The following BOK variants were observed in gnomAD, a reference collection of about 807,000 sequenced individuals.
The protein encoded by BOK is bcl-2-related ovarian killer protein.
Under a neutral mutation model 18.3 loss-of-function variants are expected in BOK, and 20 were observed. The ratio of observed to expected loss-of-function variants is 1.09; its 90% CI spans 0.77 to 1.59. BOK has a LOEUF of 1.59. Among genes scored for constraint, BOK ranks in the 40% most tolerant of loss-of-function variants. The pLI is 0.00. For synonymous variants in BOK, 173 were observed against 142.4 expected (o/e 1.21, Z -1.53); for missense variants, 348 against 307.9 (o/e 1.13, Z -0.97).
upstream of BOK, among the ~76,000 whole-genome samples, chr2:241,555,035 A>G (rs2066440112): frequency 6.6e-6 from 1 of 151,802 alleles, no homozygotes; most frequent in South Asian, 2.1e-4. Flanking sequence ...AAGTCAAAGC[A>G]CTCTTGGGAA....
chr2:241,556,128 C>T (rs1213688789), upstream of BOK, among the ~76,000 whole-genome samples: 1 of 152,224 alleles, frequency 6.6e-6, no homozygotes, highest in Non-Finnish European at 1.5e-5. Flanking sequence ...AATCCCAAAC[C>T]TGACTGCTCT....
intron 3 of BOK, among the ~76,000 whole-genome samples, chr2:241,565,200 G>A (rs573232093): frequency 6.0e-5 from 9 of 149,266 alleles, no homozygotes; most frequent in South Asian, 2.2e-4. Flanking sequence ...CCCACCCAGC[G>A]CCCCAGGCTT....
intron 3 of BOK, among the ~76,000 whole-genome samples, chr2:241,566,286 CTTTTTTTTCTTTTTTCTTTT>C (rs1012587365): frequency 1.5e-5 from 2 of 129,520 alleles, no homozygotes; most frequent in African/African-American, 3.0e-5. Context: ...CCTATTCTTT[CTTTTTTTTCTTTTTTCTTTT>C]TTTTTTTTGA....
At chr2:241,552,401 T>A (rs1400699223) in intron 1 of BOK, among the ~76,000 whole-genome samples, 1 of 152,068 alleles carries the variant, frequency 6.6e-6, no homozygotes, top group Non-Finnish European at 1.5e-5. Context: ...CCCTCTGGCC[T>A]CTCCACGCCG....
At chr2:241,558,318 C>A (rs558001230), upstream of BOK, among the ~76,000 whole-genome samples, 45 of 152,180 alleles carry the variant, frequency 3.0e-4, no homozygotes, top group African/African-American at 1.0e-3. Context: ...AGGTACTAAC[C>A]ATAAAGAAAA....
Position 241,568,956 on chromosome 2 carries a change from AGGGACCACTGCTGACTCCCTCCG to A in BOK, c.350-1162_350-1140del, listed in dbSNP as rs540617831. Reference sequence around the variant, plus strand: ...CAGTGTCCTCAGGCTAACTCCCTCCAGGGACCACTGCTGACTCCCTCCGGGGACCGCTGCTAACTCCCTGCGGG... The same window carrying A: ...CAGTGTCCTCAGGCTAACTCCCTCCAGGGACCGCTGCTAACTCCCTGCGGG... On this transcript the variant is annotated intron_variant, in intron 3 of 4. Coordinates refer to ENST00000318407, the MANE Select transcript of BOK (RefSeq NM_032515.5). Among the ~76,000 whole-genome samples the A allele has an allele frequency of 4.1e-3, 631 of 152,284 alleles. 10 individuals carry two copies. Among genetic ancestry groups the A allele is most frequent in the African/African-American group, 0.015 (607 of 41,542 alleles).
At chr2:241,552,358 C>T (rs1345805714) in intron 1 of BOK, among the ~76,000 whole-genome samples, 1 of 152,208 alleles carries the variant, frequency 6.6e-6, no homozygotes, top group Non-Finnish European at 1.5e-5. Context: ...CCAGAGGCTT[C>T]CTGCGAGCCG....
At chr2:241,564,980 G>A (rs1292642893) in intron 3 of BOK, among the ~76,000 whole-genome samples, 1 of 152,182 alleles carries the variant, frequency 6.6e-6, no homozygotes, top group Non-Finnish European at 1.5e-5. Flanking sequence ...AGGTGGGGGC[G>A]GTGCCTAGGA....
intron 4 of BOK, among the ~76,000 whole-genome samples, chr2:241,571,697 C>G (rs2066723554): frequency 6.6e-6 from 1 of 152,234 alleles, no homozygotes; most frequent in Non-Finnish European, 1.5e-5. Flanking sequence ...GCCACAGGTC[C>G]AGGCTGCAGG....
chr2:241,566,300 TTC>T (rs2066611736), intron 3 of BOK, among the ~76,000 whole-genome samples: 1 of 84,952 alleles, frequency 1.2e-5, no homozygotes, highest in East Asian at 3.6e-4. Context: ...TTTTTCTTTT[TTC>T]TTTTTTTTTT....
rs560800896 is a variant in BOK at position 241,571,238 on chromosome 2, C to T, written c.513+950C>T. Among the ~76,000 whole-genome samples the T allele has an allele frequency of 3.8e-4, 58 of 152,196 alleles. No individual in the cohort carries two copies. The South Asian group carries it at 0.011, about 30-fold the overall frequency. On this transcript the variant is annotated intron_variant, in intron 4 of 4. Transcript: ENST00000318407. ...CTCCCGAGTGGGAAAAGCAAGGCCC[C>T]GAGGGGTGGGTGTCAGAGCCAAACC...
At chr2:241,557,929 G>A (rs534968205), upstream of BOK, among the ~76,000 whole-genome samples, 1 of 152,250 alleles carries the variant, frequency 6.6e-6, no homozygotes, top group East Asian at 1.9e-4. Context: ...ATGTGCACAT[G>A]GGAAGAATAA....
chr2:241,553,917 C>T (rs777255744), upstream of BOK, among the ~76,000 whole-genome samples: 20 of 152,180 alleles, frequency 1.3e-4, no homozygotes, highest in Non-Finnish European at 2.1e-4. Context: ...CTTCCAAGAC[C>T]GGCAGACCTC....
rs921676964 is a variant in BOK, at chr2:241,573,620, A to C, written c.*1198A>C. ...CGGCGGGCTCCAGGCCAGCACACCT[A>C]ACCCATGGATGTGGAACCTACGGCC... is the stretch of plus-strand genomic sequence containing the variant. On this transcript the variant is annotated 3_prime_UTR_variant, in exon 5 of 5. Coordinates refer to ENST00000318407, the MANE Select transcript of BOK (RefSeq NM_032515.5). 1 of 152,300 alleles carries C rather than the reference A, an allele frequency of 6.6e-6. No individual in the cohort carries two copies. The highest frequency in any genetic ancestry group is 1.5e-5 in the Non-Finnish European group (1 of 68,104). 9.4% of individuals were successfully genotyped at this position (152,300 alleles called of 1,614,324 possible).
At position 241,570,131 on chromosome 2, in the gene BOK, C is replaced by A. The variant is rs759186943; in HGVS notation, c.356C>A (p.Thr119Lys). The A allele has an allele frequency of 6.2e-7, 1 of 1,611,044 alleles. No individual in the cohort carries two copies. The highest frequency in any genetic ancestry group is 8.5e-7 in the Non-Finnish European group (1 of 1,179,216). The change falls in exon 4 of 5, where the codon ACG becomes AAG. Residue 119 changes from threonine (T) to lysine (K), a missense_variant. By Grantham distance (78) the Thr-to-Lys change is moderately conservative. Transcript: ENST00000318407. ...VAGHIFSAGI[T>K]WGKVVSLYAV... ...ACCATCTCTCTCCCTGCAGGCATCA[C>A]GTGGGGCAAGGTGGTGTCCCTGTAT...
chr2:241,570,105 G>A lies in BOK; in HGVS notation c.350-20G>A. Reference sequence around the variant, plus strand: ...TGGGCGGGATTCAAGTCCTGATCTTGACCATCTCTCTCCCTGCAGGCATCA... The same window carrying A: ...TGGGCGGGATTCAAGTCCTGATCTTAACCATCTCTCTCCCTGCAGGCATCA... On this transcript the variant is annotated intron_variant, in intron 3 of 4. Transcript: ENST00000318407. The A allele has an allele frequency of 1.9e-6, 3 of 1,606,966 alleles. No individual in the cohort carries two copies. Among genetic ancestry groups the A allele is most frequent in the Non-Finnish European group, 2.5e-6 (3 of 1,177,662 alleles).
rs2066554079 is a variant in BOK at position 241,562,948 on chromosome 2, G to A, written c.349+472G>A. ...TTAGGATATACCCTCAGAAGTCACG[G>A]GTAACTCTGCTGGATTCTGATGGTC... On this transcript the variant is annotated intron_variant, in intron 3 of 4. Coordinates refer to ENST00000318407, the MANE Select transcript of BOK (RefSeq NM_032515.5). This position sits in a 1 kb window ranked among gnomAD's most constrained non-coding sequence, Gnocchi z 4.5. Among the ~76,000 whole-genome samples, 1 of 152,188 alleles carries A rather than the reference G, an allele frequency of 6.6e-6. No homozygotes were observed. Among genetic ancestry groups the A allele is most frequent in the Admixed American group, 6.5e-5 (1 of 15,284 alleles).
chr2:241,556,306 T>A (rs1682510040), upstream of BOK, among the ~76,000 whole-genome samples: 1 of 152,136 alleles, frequency 6.6e-6, no homozygotes, highest in Admixed American at 6.6e-5. Context: ...CCTCCCAGGC[T>A]GGGCGCTGTG....
intron 1 of BOK, among the ~76,000 whole-genome samples, chr2:241,552,716 G>A (rs953405818): frequency 2.0e-5 from 3 of 152,218 alleles, no homozygotes; most frequent in African/African-American, 4.8e-5. Context: ...CCCATGACAA[G>A]CTCTTCCTCA....
Sources: gnomAD v4.1 joint callset for allele counts (sites outside exome capture counted in the v4.1 genomes callset) on GRCh38, gnomAD v4.1.1 for gene constraint, Gnocchi (gnomAD v3.1) non-coding constraint, MANE v1.5 for transcripts, NCBI Gene and HGNC (gene_info 2026-07-23, HGNC 2026-07-21) for gene names.